VWA8: variants seen among roughly 807,000 people sequenced by gnomAD.
VWA8 encodes von Willebrand factor A domain containing 8.
Under a neutral mutation model 241.5 loss-of-function variants are expected in VWA8, and 221 were observed. The ratio of observed to expected loss-of-function variants is 0.91; its 90% CI spans 0.82 to 1.02. VWA8 has a LOEUF of 1.02. VWA8 is among the 50% of genes least tolerant of loss of function. VWA8 has a pLI of 0.00. For missense variants in VWA8, 2,322 were observed against 2,328.7 expected, an observed-to-expected ratio of 1.00 and a Z score of 0.06; for synonymous variants, 852 against 827.1, an observed-to-expected ratio of 1.03 and a Z score of -0.52.
At chr13:41,881,378 G>T (rs1162223191) in intron 9 of VWA8, among the ~76,000 whole-genome samples, 3 of 34,980 alleles carry the variant, frequency 8.6e-5, no homozygotes, top group African/African-American at 3.8e-4. Flanking sequence ...TTGCCGGGGG[G>T]GGGGGGGGGG....
chr13:41,577,356 T>C (rs948460004), intron 42 of VWA8, among the ~76,000 whole-genome samples: 1 of 152,030 alleles, frequency 6.6e-6, no homozygotes, highest in Non-Finnish European at 1.5e-5. Context: ...ACACATTCCA[T>C]ATAAGAAAAA....
At chr13:41,686,971 C>T (rs2045140686) in intron 34 of VWA8, among the ~76,000 whole-genome samples, 1 of 152,132 alleles carries the variant, frequency 6.6e-6, no homozygotes, top group African/African-American at 2.4e-5. Context: ...CCATAGATGT[C>T]CTTACCTTGC....
intron 4 of VWA8, among the ~76,000 whole-genome samples, chr13:41,892,752 T>G (rs1874906299): frequency 6.6e-6 from 1 of 152,176 alleles, no homozygotes; most frequent in Non-Finnish European, 1.5e-5. Context: ...CTTCTTTATT[T>G]TCTATCTGGG....
At chr13:41,782,506 TAG>T (rs1205526199) in intron 19 of VWA8, among the ~76,000 whole-genome samples, 1 of 152,206 alleles carries the variant, frequency 6.6e-6, no homozygotes, top group Non-Finnish European at 1.5e-5. Flanking sequence ...GTCTTATAAG[TAG>T]CTTTATTTTC....
chr13:41,577,166 T>C (rs762912810), intron 42 of VWA8, among the ~76,000 whole-genome samples: 38 of 152,228 alleles, frequency 2.5e-4, no homozygotes, highest in Non-Finnish European at 4.7e-4. Context: ...AAAGGCCCTT[T>C]GGCCCCATAG....
chr13:41,727,831 T>C (rs977905609), intron 23 of VWA8, among the ~76,000 whole-genome samples: 21 of 152,252 alleles, frequency 1.4e-4, no homozygotes, highest in African/African-American at 4.8e-4. Flanking sequence ...CTTAAAAACC[T>C]AGTCAACTCA....
chr13:41,750,011 C>A (rs1264954105), intron 21 of VWA8, among the ~76,000 whole-genome samples: 1 of 151,962 alleles, frequency 6.6e-6, no homozygotes, highest in Non-Finnish European at 1.5e-5. Flanking sequence ...TACCCTAAAA[C>A]TTAAAGTATA....
chr13:41,633,177 T>C (rs529862954), intron 37 of VWA8, among the ~76,000 whole-genome samples: 49 of 152,350 alleles, frequency 3.2e-4, no homozygotes, highest in African/African-American at 1.2e-3. Context: ...CACATATACA[T>C]TTTTTGAAGA....
chr13:41,679,545 C>G (rs1409467004), intron 35 of VWA8, among the ~76,000 whole-genome samples: 1 of 152,108 alleles, frequency 6.6e-6, no homozygotes, highest in Non-Finnish European at 1.5e-5. Context: ...AGAGCTCAGA[C>G]CTGTGGTTTA....
chr13:41,822,809 G>T (rs1003747541), intron 14 of VWA8, among the ~76,000 whole-genome samples: 30 of 152,208 alleles, frequency 2.0e-4, no homozygotes, highest in Admixed American at 1.8e-3. Context: ...TAACAACATG[G>T]ATGATCTCAA....
chr13:41,881,382 G>A (rs1171787775), intron 9 of VWA8, among the ~76,000 whole-genome samples: 2 of 57,266 alleles, frequency 3.5e-5, no homozygotes, highest in Non-Finnish European at 7.1e-5. Flanking sequence ...CGGGGGGGGG[G>A]GGGGGGGGGT....
chr13:41,636,409 C>T (rs1349322401), intron 37 of VWA8, among the ~76,000 whole-genome samples: 6 of 152,190 alleles, frequency 3.9e-5, no homozygotes, highest in Admixed American at 1.3e-4. Context: ...TTCCTTACAC[C>T]TTGTACAAAA....
Position 41,887,055 on chromosome 13 carries a change from T to G in VWA8, c.816+142A>C, listed in dbSNP as rs1300696487. The G allele has an allele frequency of 4.5e-6, 5 of 1,101,688 alleles. No individual in the cohort carries two copies. In the East Asian group the frequency reaches 1.1e-4, roughly 25 times the overall value. The allele number at this position is 1,101,688 out of a possible 1,614,324, so 68.2% of individuals were successfully genotyped here. ...ATTTTTCTTCCTAGTTTCCAGAGCTTTTCTTTACTCTTTATTCTCATATCT... is the reference window on the plus strand; with the variant it reads ...ATTTTTCTTCCTAGTTTCCAGAGCTGTTCTTTACTCTTTATTCTCATATCT... On this transcript the variant is annotated intron_variant, in intron 6 of 44. Transcript: ENST00000379310.
At chr13:41,823,885 A>G (rs867515089) in intron 14 of VWA8, among the ~76,000 whole-genome samples, 10 of 152,208 alleles carry the variant, frequency 6.6e-5, no homozygotes, top group Admixed American at 5.9e-4. Flanking sequence ...TTCACACTAT[A>G]AAGTTGAAAG....
rs140130552 is a variant in VWA8 at position 41,682,536 on chromosome 13, C to A, written c.4327+2511G>T. Among the ~76,000 whole-genome samples the A allele has an allele frequency of 1.6e-3, 247 of 152,224 alleles. 1 individual carries two copies. The highest frequency in any genetic ancestry group is 5.7e-3 in the African/African-American group (237 of 41,534). ...CTACACTAAAGAACACTCAAGAGTT[C>A]AGGAGTTTGAGACCAGCCTGGGCAA... On this transcript the variant is annotated intron_variant, in intron 35 of 44. Transcript: ENST00000379310.
chr13:41,776,224 A>G (rs1376064859), intron 20 of VWA8, among the ~76,000 whole-genome samples: 3 of 152,190 alleles, frequency 2.0e-5, no homozygotes. Context: ...GTCTCTGGCC[A>G]TTCAGGTGAT....
At chr13:41,960,812 C>A in intron 1 of VWA8, 41 bp downstream of exon 1, 1 of 1,497,144 alleles carries the variant, frequency 6.7e-7, no homozygotes. Flanking sequence ...CGGCACGGAG[C>A]GCAGGGGCAC....
At chr13:41,913,503 A>C (rs1360567801) in intron 2 of VWA8, among the ~76,000 whole-genome samples, 1 of 152,202 alleles carries the variant, frequency 6.6e-6, no homozygotes, top group African/African-American at 2.4e-5. Context: ...GTCACGGATT[A>C]GTTCAAAGAT....
chr13:41,867,794 T>C (rs1873381485), intron 10 of VWA8, among the ~76,000 whole-genome samples: 1 of 152,128 alleles, frequency 6.6e-6, no homozygotes, highest in South Asian at 2.1e-4. Flanking sequence ...GCAGGAGTAT[T>C]GTTTGAGCTC....
Sources: allele counts gnomAD v4.1 joint callset (sites outside exome capture counted in the v4.1 genomes callset), GRCh38; gene constraint gnomAD v4.1.1; transcripts MANE v1.5; gene names NCBI Gene and HGNC (gene_info 2026-07-23, HGNC 2026-07-21).